ARMC10: variants seen among roughly 807,000 people sequenced by gnomAD.
The protein encoded by ARMC10 is armadillo repeat containing 10.
In ARMC10, 23 loss-of-function variants were observed where a neutral mutation model predicts 30.2. The observed-to-expected ratio is 0.76, with a 90% CI of 0.55 to 1.08. The LOEUF is 1.08. ARMC10 is among the 50% of genes least tolerant of loss of function. The pLI is 0.00. For synonymous variants in ARMC10, 111 were observed against 164.4 expected (o/e 0.68, Z 2.48); for missense variants, 303 against 413.7 (o/e 0.73, Z 2.32).
In ARMC10 at chr7:103,092,474, C is replaced by T. The variant is rs940670709; in HGVS notation, c.529-3C>T. The T allele has an allele frequency of 7.1e-6, 11 of 1,556,730 alleles. No individual in the cohort carries two copies. Among genetic ancestry groups the T allele is most frequent in the East Asian group, 4.6e-5 (2 of 43,740 alleles). ...GATGCTCATTTTCCTCCCCTGCCTT[C>T]AGATATACATCAGTCAAGTATGTGA... On this transcript the variant is annotated splice_region_variant and splice_polypyrimidine_tract_variant and intron_variant, in intron 4 of 6. Coordinates refer to ENST00000323716, the MANE Select transcript of ARMC10 (RefSeq NM_031905.5).
At position 103,075,337 on chromosome 7, in the gene ARMC10, A is replaced by G. The variant is rs1488010768; in HGVS notation, c.65A>G (p.Tyr22Cys). The G allele has an allele frequency of 8.8e-6, 11 of 1,256,686 alleles. No individual in the cohort carries two copies. The highest frequency in any genetic ancestry group is 1.5e-5 in the African/African-American group (1 of 65,490). The allele number at this position is 1,256,686 out of a possible 1,614,324, so 77.8% of individuals were successfully genotyped here. Residue 22 changes from tyrosine to cysteine, a missense_variant, in exon 1 of 7, where the codon TAC (tyrosine) becomes TGC (cysteine). Tyr to Cys is a radical substitution (Grantham distance 194). Transcript: ENST00000323716. Reference protein sequence around the residue: ...AGLLLGAGACYCIYRLTRGRR... With the variant: ...AGLLLGAGACCCIYRLTRGRR... ...CTGCTGCTCGGCGCGGGCGCCTGCT[A>G]CTGCATTTACAGGCTGACCCGGGGT... is the stretch of plus-strand genomic sequence containing the variant.
chr7:103,084,356 TAAAAC>T (rs1800648515), intron 3 of ARMC10, among the ~76,000 whole-genome samples: 1 of 152,226 alleles, frequency 6.6e-6, no homozygotes, highest in Non-Finnish European at 1.5e-5. Context: ...AAAAAATAGT[TAAAAC>T]AAAATTTCGT....
At chr7:103,090,602 A>G (rs760902278) in intron 4 of ARMC10, among the ~76,000 whole-genome samples, 21 of 152,150 alleles carry the variant, frequency 1.4e-4, no homozygotes, top group Non-Finnish European at 2.6e-4. Context: ...TGTTCAAGCA[A>G]TTCTCCTGCC....
chr7:103,079,529 C>A (rs1263466048), intron 2 of ARMC10, among the ~76,000 whole-genome samples: 1 of 152,174 alleles, frequency 6.6e-6, no homozygotes, highest in African/African-American at 2.4e-5. Context: ...ATCACAGCTA[C>A]TATTCAACGT....
At chr7:103,092,756 C>G in intron 5 of ARMC10, 103 bp downstream of exon 5, 1 of 769,310 alleles carries the variant, frequency 1.3e-6, no homozygotes, top group Non-Finnish European at 1.9e-6. Context: ...ATTAAAAACT[C>G]ACATGGGCCC....
intron 2 of ARMC10, among the ~76,000 whole-genome samples, chr7:103,080,590 T>C (rs1224732255): frequency 1.3e-5 from 2 of 151,306 alleles, no homozygotes; most frequent in Non-Finnish European, 2.9e-5. Flanking sequence ...AAAGAGAATA[T>C]ATAGAATTAA....
chr7:103,086,136 G>A (rs117466685), intron 3 of ARMC10, among the ~76,000 whole-genome samples: 202 of 152,224 alleles, frequency 1.3e-3, no homozygotes, highest in Non-Finnish European at 2.5e-3. Flanking sequence ...ATAACCATGG[G>A]AAACCACCCC....
intron 3 of ARMC10, chr7:103,084,120 A>G: frequency 7.0e-6 from 8 of 1,136,152 alleles, no homozygotes; most frequent in Non-Finnish European, 9.4e-6. Context: ...TTTAAAATTC[A>G]GCAGTGCTTC....
At position 103,098,386 on chromosome 7, in the gene ARMC10, A is replaced by T. The variant is rs750184390; in HGVS notation, c.865A>T (p.Asn289Tyr). The part of the protein sequence containing the change: ...RVLTLFQNIK[N>Y]CLKIEGHLAV... ...ACTTACGCTATTTCAGAATATAAAG[A>T]ACTGCCTCAAAATAGAAGGCCATTT... is the stretch of plus-strand genomic sequence containing the variant. Residue 289 changes from asparagine to tyrosine, a missense_variant, in exon 7 of 7, where the codon AAC becomes TAC. Physicochemically the swap from Asn to Tyr is moderately radical, Grantham distance 143 (BLOSUM62 -2). Transcript: ENST00000323716. 6.2e-7 allele frequency: 1 copy of T among 1,614,056 alleles called. No homozygotes were observed. Among genetic ancestry groups the T allele is most frequent in the South Asian group, 1.1e-5 (1 of 91,040 alleles).
chr7:103,081,571 C>T lies in ARMC10; in HGVS notation c.245-2111C>T, dbSNP rs551327762. On this transcript the variant is annotated intron_variant, in intron 2 of 6. Transcript: ENST00000323716. Reference sequence around the variant, plus strand: ...TCTGTTTTTAGTAGAGATGGGGTTTCACCATGTTGGCCAGGCTGGTCTCAG... The same window carrying T: ...TCTGTTTTTAGTAGAGATGGGGTTTTACCATGTTGGCCAGGCTGGTCTCAG... Among the ~76,000 whole-genome samples the T allele has an allele frequency of 5.3e-5, 8 of 152,216 alleles. No homozygotes were observed. In the East Asian group the frequency reaches 1.5e-3, roughly 29 times the overall value.
intron 4 of ARMC10, chr7:103,087,829 T>C: frequency 2.1e-6 from 2 of 969,068 alleles, no homozygotes; most frequent in Non-Finnish European, 2.5e-6. Context: ...AGGCAAGTAC[T>C]ATATAGACTA....
At chr7:103,086,943 A>G (rs113362546) in intron 4 of ARMC10, 179 bp downstream of exon 4, 162 of 1,470,476 alleles carry the variant, frequency 1.1e-4, no homozygotes, top group African/African-American at 7.8e-4. Flanking sequence ...AAGAGGTACA[A>G]TAAGACTTTT....
chr7:103,079,741 C>A (rs1320931089), intron 2 of ARMC10, among the ~76,000 whole-genome samples: 1 of 152,120 alleles, frequency 6.6e-6, no homozygotes, highest in African/African-American at 2.4e-5. Flanking sequence ...AGTAACAATT[C>A]AAAATTTTAA....
chr7:103,088,216 G>T (rs1801019762), intron 4 of ARMC10, among the ~76,000 whole-genome samples: 1 of 152,198 alleles, frequency 6.6e-6, no homozygotes, highest in South Asian at 2.1e-4. Context: ...GATGAGATTA[G>T]TTTGGAATAG....
chr7:103,095,751 G>A (rs188141258), intron 5 of ARMC10: 262 of 152,250 alleles, frequency 1.7e-3, no homozygotes, highest in African/African-American at 6.1e-3. Context: ...ATACTATGCA[G>A]CCATAAAAAA....
chr7:103,096,133 CTT>C (rs1343143196), intron 5 of ARMC10: 3 of 152,168 alleles, frequency 2.0e-5, no homozygotes, highest in Non-Finnish European at 2.9e-5. Flanking sequence ...TTATTACTGA[CTT>C]TTCAGTTATA....
chr7:103,095,810 C>T (rs1351092242), intron 5 of ARMC10: 1 of 152,120 alleles, frequency 6.6e-6, no homozygotes, highest in Non-Finnish European at 1.5e-5. Context: ...TGGAAATCAT[C>T]ATTCTCAGTA....
At chr7:103,092,112 C>T (rs1801384736) in intron 4 of ARMC10, among the ~76,000 whole-genome samples, 1 of 152,068 alleles carries the variant, frequency 6.6e-6, no homozygotes, top group Admixed American at 6.5e-5. Context: ...GCGGGCGGAT[C>T]GCGAGGTCAG....
In ARMC10 at chr7:103,098,680, A is replaced by T. The variant is rs10233912; in HGVS notation, c.*127A>T. 5.2e-3 allele frequency: 7,545 copies of T among 1,437,796 alleles called. 147 individuals are homozygous for T. The African/African-American group carries it at 0.091, about 17-fold the overall frequency. 89.1% of individuals were successfully genotyped at this position (1,437,796 alleles called of 1,614,324 possible). A position where few individuals can be genotyped will look rare whatever the true frequency, so the allele number is the denominator to read the frequency against. ...ATCACATTTTGTCATTAACACAGCT[A>T]TAACTTGCCGTGGTTCTCAGATTTA... is the stretch of plus-strand genomic sequence containing the variant. On this transcript the variant is annotated 3_prime_UTR_variant, in exon 7 of 7. Coordinates refer to ENST00000323716, the MANE Select transcript of ARMC10 (RefSeq NM_031905.5).
Sources: allele counts gnomAD v4.1 joint callset (sites outside exome capture counted in the v4.1 genomes callset), GRCh38; gene constraint gnomAD v4.1.1; transcripts MANE v1.5; gene names NCBI Gene and HGNC (gene_info 2026-07-23, HGNC 2026-07-21).